Variants in APBA1 observed in about 807,000 individuals in gnomAD.
The protein encoded by APBA1 is amyloid beta precursor protein binding family A member 1, also known as amyloid-beta A4 precursor protein-binding family A member 1.
In APBA1, 55 loss-of-function variants were observed where a neutral mutation model predicts 86.6. That is an observed-to-expected ratio of 0.64 (90% CI 0.51 to 0.80). APBA1 has a LOEUF of 0.80. Among genes scored for constraint, APBA1 ranks in the 30% least tolerant of loss-of-function variants. The probability of loss-of-function intolerance (pLI) is 0.00; values close to 1 mark genes in which losing one functional copy is unlikely to be tolerated. For missense variants in APBA1, 1,090 were observed against 1,183.0 expected, an observed-to-expected ratio of 0.92 and a Z score of 1.15; for synonymous variants, 511 against 493.9, an observed-to-expected ratio of 1.03 and a Z score of -0.46.
intron 1 of APBA1, among the ~76,000 whole-genome samples, chr9:69,562,591 T>A (rs942170680): frequency 6.6e-6 from 1 of 152,120 alleles, no homozygotes; most frequent in African/African-American, 2.4e-5. Context: ...GCCAGGCTGG[T>A]CTTGAACTCC....
intron 1 of APBA1, among the ~76,000 whole-genome samples, chr9:69,536,834 C>T (rs1042818240): frequency 1.3e-5 from 2 of 150,382 alleles, no homozygotes; most frequent in African/African-American, 2.4e-5. Context: ...GAACTGAGAT[C>T]GTGCCACTGC....
intron 1 of APBA1, among the ~76,000 whole-genome samples, chr9:69,646,690 C>G (rs1165634186): frequency 1.3e-5 from 2 of 152,240 alleles, no homozygotes; most frequent in African/African-American, 2.4e-5. Flanking sequence ...TGCACCAGGG[C>G]TGAGAGCATG....
chr9:69,469,896 C>T (rs552811311), intron 4 of APBA1, among the ~76,000 whole-genome samples: 3 of 152,304 alleles, frequency 2.0e-5, no homozygotes, highest in South Asian at 2.1e-4. Context: ...AGTCTTCCAT[C>T]TATTTTTTAA....
chr9:69,636,405 C>T (rs994206379), intron 1 of APBA1, among the ~76,000 whole-genome samples: 4 of 152,146 alleles, frequency 2.6e-5, no homozygotes, highest in African/African-American at 9.7e-5. Context: ...GGTATATACT[C>T]CCAAAAAGGA....
chr9:69,658,277 T>TC (rs1491232200), intron 1 of APBA1, among the ~76,000 whole-genome samples: 357 of 27,564 alleles, frequency 0.013, 10 homozygotes, highest in Middle Eastern at 0.089. Flanking sequence ...TCTTTCTTTC[T>TC]TTCTTTCTCT....
At chr9:69,593,781 C>T (rs1444100107) in intron 1 of APBA1, among the ~76,000 whole-genome samples, 1 of 152,166 alleles carries the variant, frequency 6.6e-6, no homozygotes, top group Admixed American at 6.5e-5. Flanking sequence ...TAAAATTAAG[C>T]AAATACACAA....
intron 6 of APBA1, 93 bp from the exon 7 acceptor site, chr9:69,457,232 G>A (rs1403404246): frequency 1.6e-5 from 15 of 919,200 alleles, no homozygotes; most frequent in South Asian, 2.7e-5. Context: ...GAGGCACCAC[G>A]ACACAGTCAC....
At chr9:69,578,566 T>A (rs749232363) in intron 1 of APBA1, among the ~76,000 whole-genome samples, 8 of 152,196 alleles carry the variant, frequency 5.3e-5, no homozygotes, top group South Asian at 2.1e-4. Flanking sequence ...GACTTTAAAT[T>A]AAAAAATCAC....
At chr9:69,477,128 C>T (rs947892587) in intron 2 of APBA1, among the ~76,000 whole-genome samples, 5 of 152,054 alleles carry the variant, frequency 3.3e-5, no homozygotes, top group East Asian at 1.9e-4. Context: ...CCAAGATGGC[C>T]GAATAGGAAC....
intron 1 of APBA1, among the ~76,000 whole-genome samples, chr9:69,625,474 C>T (rs1822908959): frequency 6.6e-6 from 1 of 152,124 alleles, no homozygotes; most frequent in East Asian, 1.9e-4. Flanking sequence ...TGCAGCATCC[C>T]TTGTCCCTAG....
intron 1 of APBA1, among the ~76,000 whole-genome samples, chr9:69,597,830 T>C (rs1822261912): frequency 6.6e-6 from 1 of 152,204 alleles, no homozygotes; most frequent in Non-Finnish European, 1.5e-5. Flanking sequence ...TTTTACACTG[T>C]TGGTGGGACT....
intron 2 of APBA1, among the ~76,000 whole-genome samples, chr9:69,498,447 C>T (rs1835833155): frequency 2.0e-5 from 3 of 152,232 alleles, no homozygotes; most frequent in Non-Finnish European, 4.4e-5. Flanking sequence ...TTGTTTTATG[C>T]CACTAAATTT....
At position 69,647,837 on chromosome 9, in the gene APBA1, T is replaced by G. The variant is rs534167805; in HGVS notation, c.-70+24316A>C. ...TCTAGGAAATCAAACAAAAGGTGCT[T>G]AATGAACAGTGAAACTGTGATAAGT... On this transcript the variant is annotated intron_variant, in intron 1 of 12. Coordinates refer to ENST00000265381, the MANE Select transcript of APBA1 (RefSeq NM_001163.4). Among the ~76,000 whole-genome samples, 7 of 152,344 alleles carry G rather than the reference T, an allele frequency of 4.6e-5. No homozygotes were observed. In the South Asian group the frequency reaches 1.2e-3, roughly 27 times the overall value.
At chr9:69,662,239 C>G (rs1823767516) in intron 1 of APBA1, among the ~76,000 whole-genome samples, 1 of 152,132 alleles carries the variant, frequency 6.6e-6, no homozygotes, top group African/African-American at 2.4e-5. Context: ...ACTGAGGAAC[C>G]TCTGAGAACC....
chr9:69,590,913 G>C (rs953936874), intron 1 of APBA1, among the ~76,000 whole-genome samples: 2 of 152,176 alleles, frequency 1.3e-5, no homozygotes, highest in Admixed American at 6.6e-5. Context: ...GAAAACCAAA[G>C]TCCTAAGAGA....
rs115230050 is a variant in APBA1 at position 69,500,794 on chromosome 9, C to T, written c.1200+15217G>A. Among the ~76,000 whole-genome samples the T allele has an allele frequency of 1.2e-3, 177 of 152,140 alleles. 1 individual carries two copies. Among genetic ancestry groups the T allele is most frequent in the African/African-American group, 4.1e-3 (171 of 41,514 alleles). On this transcript the variant is annotated intron_variant, in intron 2 of 12. Transcript: ENST00000265381. ...AAATCTATGTTTAAAGAGCGAAGCC[C>T]GGACTTTATCTAATCGGAATGTGAC...
At chr9:69,658,374 CTCTT>C (rs1465633710) in intron 1 of APBA1, among the ~76,000 whole-genome samples, 2 of 143,772 alleles carry the variant, frequency 1.4e-5, no homozygotes, top group South Asian at 2.2e-4. Flanking sequence ...TTCTCTGTCT[CTCTT>C]TCTCTCTTTC....
At chr9:69,586,960 C>T (rs1822031813) in intron 1 of APBA1, among the ~76,000 whole-genome samples, 1 of 152,222 alleles carries the variant, frequency 6.6e-6, no homozygotes, top group South Asian at 2.1e-4. Flanking sequence ...GTATGTGCTT[C>T]TGGTAGAGAC....
At chr9:69,607,134 T>A (rs1399651680) in intron 1 of APBA1, among the ~76,000 whole-genome samples, 1 of 152,216 alleles carries the variant, frequency 6.6e-6, no homozygotes. Flanking sequence ...TGTATTCGTT[T>A]GTTCTCACAC....
Sources: allele counts gnomAD v4.1 joint callset (sites outside exome capture counted in the v4.1 genomes callset), GRCh38; gene constraint gnomAD v4.1.1; transcripts MANE v1.5; gene names NCBI Gene and HGNC (gene_info 2026-07-23, HGNC 2026-07-21).